The following DCTN2 variants were observed in gnomAD, a reference collection of about 807,000 sequenced individuals.
The protein encoded by DCTN2 is dynactin subunit 2.
A neutral mutation model predicts 55.4 loss-of-function variants in DCTN2; 18 were observed. The observed-to-expected ratio is 0.32, with a 90% confidence interval of 0.22 to 0.48. DCTN2 has a LOEUF of 0.48. Ranked by LOEUF, DCTN2 falls within the 20% of genes least tolerant of loss-of-function variation. The probability of loss-of-function intolerance (pLI) is 0.99; values close to 1 mark genes in which losing one functional copy is unlikely to be tolerated. For synonymous variants in DCTN2, 168 were observed against 185.2 expected, an observed-to-expected ratio of 0.91 and a Z score of 0.76; for missense variants, 390 against 491.0, an observed-to-expected ratio of 0.79 and a Z score of 1.94.
In DCTN2 at chr12:57,533,254, C is replaced by A; in HGVS notation, c.719G>T (p.Cys240Phe). 6.2e-7 allele frequency: 1 copy of A among 1,614,000 alleles called. No individual in the cohort carries two copies. Among genetic ancestry groups the A allele is most frequent in the South Asian group, 1.1e-5 (1 of 91,088 alleles). The change falls in exon 8 of 14, where the codon TGT (cysteine) becomes TTT (phenylalanine). Residue 240 changes from cysteine (C) to phenylalanine (F), a missense_variant. Transcript: ENST00000548249. The stretch of plus-strand genomic sequence containing the variant: ...ACACCTGACCTGAGCATCCTGATCA[C>A]AACGTACAGCTGTCTCCAGCTCTGT... ...RLTELETAVRCDQDAQNPLSA... is the reference protein window; with the variant it reads ...RLTELETAVRFDQDAQNPLSA...
chr12:57,539,417 A>G (rs907861518), intron 2 of DCTN2, among the ~76,000 whole-genome samples: 2 of 152,198 alleles, frequency 1.3e-5, no homozygotes, highest in Admixed American at 6.5e-5. Context: ...TCTGTTCACA[A>G]GATTCACAGG....
chr12:57,539,170 T>C (rs945828538), intron 2 of DCTN2, among the ~76,000 whole-genome samples: 1 of 152,190 alleles, frequency 6.6e-6, no homozygotes, highest in Admixed American at 6.5e-5. Flanking sequence ...GTTAAAGGAA[T>C]GATGAAGTAC....
chr12:57,531,006 GA>G (rs1879648242), intron 13 of DCTN2, among the ~76,000 whole-genome samples: 1 of 152,200 alleles, frequency 6.6e-6, no homozygotes, highest in Admixed American at 6.5e-5. Flanking sequence ...ACTTCAGCCA[GA>G]ACAGTTTTTT....
At chr12:57,544,049 T>C (rs1594895174) in intron 2 of DCTN2, 1 of 427,018 alleles carries the variant, frequency 2.3e-6, no homozygotes, top group Non-Finnish European at 4.7e-6. Flanking sequence ...AGAGGATTAC[T>C]GTGAAACTAC....
intron 1 of DCTN2, 64 bp from the exon 2 acceptor site, chr12:57,546,160 A>C: frequency 6.8e-7 from 1 of 1,460,030 alleles, no homozygotes; most frequent in Non-Finnish European, 9.6e-7. Flanking sequence ...CCCTTCCCCC[A>C]CTCCATTTGA....
intron 2 of DCTN2, chr12:57,543,642 A>C: frequency 2.1e-6 from 1 of 467,916 alleles, no homozygotes; most frequent in Non-Finnish European, 2.8e-6. Flanking sequence ...CAGAGACATT[A>C]GCTGACATCA....
intron 2 of DCTN2, among the ~76,000 whole-genome samples, chr12:57,545,038 A>T (rs901510831): frequency 1.3e-5 from 2 of 152,236 alleles, no homozygotes; most frequent in African/African-American, 2.4e-5. Flanking sequence ...TGAGTACGCC[A>T]AGCCACACAT....
intron 1 of DCTN2, 91 bp from the exon 2 acceptor site, chr12:57,546,187 G>A: frequency 8.0e-7 from 1 of 1,256,118 alleles, no homozygotes; most frequent in Non-Finnish European, 1.2e-6. Flanking sequence ...TAACAGAGAA[G>A]GCGGGGTGTG....
intron 1 of DCTN2, 117 bp downstream of exon 1, chr12:57,546,911 G>A (rs1005385919): frequency 1.1e-6 from 1 of 870,474 alleles, no homozygotes; most frequent in Non-Finnish European, 1.5e-6. Flanking sequence ...CGAGCGGCGG[G>A]AGCCCTTGGG....
In DCTN2 at chr12:57,538,403, C is replaced by T. The variant is rs1181008773; in HGVS notation, c.106-2558G>A. 1.0e-5 allele frequency: 7 copies of T among 695,368 alleles called. 1 individual carries two copies. Among genetic ancestry groups the T allele is most frequent in the Non-Finnish European group, 1.1e-5 (4 of 379,422 alleles). The allele number at this position is 695,368 out of a possible 1,614,324, so 43.1% of individuals were successfully genotyped here. ...CAGTGACTTGTGAGATAGGAAAAGG[C>T]TGGGTGTGGGACTGAATAGATGAAT... On this transcript the variant is annotated intron_variant, in intron 2 of 13. Transcript: ENST00000548249.
intron 6 of DCTN2, 85 bp from the exon 7 acceptor site, chr12:57,534,182 T>C (rs1674087952): frequency 6.5e-7 from 1 of 1,528,692 alleles, no homozygotes; most frequent in African/African-American, 1.4e-5. Context: ...TAATCAGCAT[T>C]AAGAAACATC....
At chr12:57,546,836 G>T (rs1231615515) in intron 1 of DCTN2, among the ~76,000 whole-genome samples, 192 bp downstream of exon 1, 2 of 152,228 alleles carry the variant, frequency 1.3e-5, no homozygotes. Context: ...GGCCTGGTGC[G>T]CCGTCCGGCG....
Position 57,544,684 on chromosome 12 carries a change from C to A in DCTN2, c.105+1344G>T, listed in dbSNP as rs549973292. On this transcript the variant is annotated intron_variant, in intron 2 of 13. Transcript: ENST00000548249. ...CTGGGATTACAGGCATGAATCACCA[C>A]ACTGGGCCTATTTTTTATTTTTAAA... Among the ~76,000 whole-genome samples the A allele has an allele frequency of 6.6e-5, 10 of 152,266 alleles. No individual in the cohort carries two copies. The South Asian group carries it at 2.1e-3, about 32-fold the overall frequency.
chr12:57,541,618 A>G (rs1437217022), intron 2 of DCTN2, among the ~76,000 whole-genome samples: 1 of 152,140 alleles, frequency 6.6e-6, no homozygotes, highest in Non-Finnish European at 1.5e-5. Flanking sequence ...TACTGCGGGT[A>G]GTTATGCCAT....
intron 7 of DCTN2, among the ~76,000 whole-genome samples, chr12:57,533,695 C>T (rs1259522859): frequency 2.0e-5 from 3 of 151,348 alleles, no homozygotes; most frequent in Admixed American, 6.6e-5. Context: ...GGCGTGAACC[C>T]GGGAGGCGGA....
chr12:57,540,506 C>T (rs1197319558), intron 2 of DCTN2, among the ~76,000 whole-genome samples: 6 of 152,138 alleles, frequency 3.9e-5, no homozygotes, highest in African/African-American at 1.4e-4. Context: ...TTACCTAGTA[C>T]GTGACTCCCA....
intron 2 of DCTN2, among the ~76,000 whole-genome samples, chr12:57,537,317 G>A (rs1045677512): frequency 7.0e-6 from 1 of 142,134 alleles, no homozygotes; most frequent in South Asian, 2.2e-4. Flanking sequence ...CTGGGCAACA[G>A]AGTGAGACCC....
chr12:57,530,698 C>T lies in DCTN2; in HGVS notation c.1197G>A (p.Leu399=), dbSNP rs1422922255. Residue 399 remains leucine (L), a synonymous_variant, in exon 14 of 14, where the codon CTG becomes CTA. Transcript: ENST00000548249. The part of the protein sequence containing the change: ...FASIDERMKK[L]GK ...CAGCTCCCAAATGTGCTCACTTTCC[C>T]AGCTTCTTCATCCGTTCATCAATGC... 6.2e-7 allele frequency: 1 copy of T among 1,613,814 alleles called. No homozygotes were observed. The highest frequency in any genetic ancestry group is 1.1e-5 in the South Asian group (1 of 91,072).
chr12:57,534,239 G>A (rs977830253), intron 6 of DCTN2, 53 bp downstream of exon 6: 1 of 1,538,204 alleles, frequency 6.5e-7, no homozygotes, highest in Non-Finnish European at 8.8e-7. Flanking sequence ...AGCTGGCTGA[G>A]TCCATCCACA....
Sources: allele counts gnomAD v4.1 joint callset (sites outside exome capture counted in the v4.1 genomes callset), GRCh38; gene constraint gnomAD v4.1.1; transcripts MANE v1.5; gene names NCBI Gene and HGNC (gene_info 2026-07-23, HGNC 2026-07-21).